Variants in TENM1 observed in about 807,000 individuals in gnomAD.
TENM1 encodes the protein teneurin-1.
TENM1 carries 35 observed loss-of-function variants against 174.8 expected under a neutral mutation model. The observed-to-expected ratio is 0.20, with a 90% confidence interval of 0.15 to 0.27. TENM1 has a LOEUF of 0.27. Among genes scored for constraint, TENM1 ranks in the 10% least tolerant of loss-of-function variants. TENM1 has a pLI of 1.00. For synonymous variants in TENM1, 781 were observed against 798.7 expected (o/e 0.98, Z 0.37); for missense variants, 1,633 against 2,130.1 (o/e 0.77, Z 4.59).
intron 3 of TENM1, among the ~76,000 whole-genome samples, chrX:124,753,812 A>C (rs1271551409): frequency 8.9e-6 from 1 of 111,820 alleles, no homozygotes. Context: ...CGTCTATCGA[A>C]CCAGCCTTGC....
At chrX:124,998,735 A>G in the TENM1 span, among the ~76,000 whole-genome samples, 2 of 111,660 alleles carry the variant, frequency 1.8e-5, no homozygotes, top group East Asian at 2.8e-4. Context: ...TAAGACTTGG[A>G]TGTATACTTC....
At chrX:124,831,231 T>C (rs1327229121) in intron 3 of TENM1, among the ~76,000 whole-genome samples, 3 of 111,032 alleles carry the variant, frequency 2.7e-5, no homozygotes, top group Non-Finnish European at 5.7e-5. Flanking sequence ...TTCCTAGGCA[T>C]CCTCTCTCTC....
At chrX:124,602,363 C>G (rs1426188152) in intron 11 of TENM1, among the ~76,000 whole-genome samples, 2 of 110,878 alleles carry the variant, frequency 1.8e-5, no homozygotes, top group East Asian at 5.7e-4. Context: ...ACTGATGGGT[C>G]TGTTGAAAAA....
chrX:124,433,324 T>C (rs904350651), intron 23 of TENM1, among the ~76,000 whole-genome samples: 1 of 112,022 alleles, frequency 8.9e-6, no homozygotes, highest in South Asian at 3.8e-4. Flanking sequence ...AAATTAAGTC[T>C]GAAAGAGACT....
rs755668633 is a variant in TENM1 at position 124,405,412 on chromosome X, C to G, written c.5156-146G>C. The stretch of plus-strand genomic sequence containing the variant: ...CTATCTGCCTTCTGGGCTAGACTAC[C>G]GCTCTGACAGGCAAACGTGTTCCCT... On this transcript the variant is annotated intron_variant, in intron 26 of 31. Coordinates refer to ENST00000422452, the Ensembl canonical transcript of TENM1. 6.6e-6 allele frequency: 3 copies of G among 456,313 alleles called. No individual in the cohort carries two copies. The African/African-American group carries it at 7.3e-5, about 11-fold the overall frequency. 37.6% of individuals were successfully genotyped at this position (456,313 alleles called of 1,213,427 possible).
chrX:124,584,648 T>G (rs1396379828), intron 11 of TENM1, among the ~76,000 whole-genome samples: 2 of 110,930 alleles, frequency 1.8e-5, no homozygotes, highest in Admixed American at 9.6e-5. Flanking sequence ...AATAACCAGC[T>G]AACATCATAA....
intron 25 of TENM1, among the ~76,000 whole-genome samples, chrX:124,416,529 A>G (rs1169643884): frequency 1.8e-5 from 2 of 111,939 alleles, no homozygotes; most frequent in African/African-American, 6.5e-5. Flanking sequence ...TTTCTCAGCT[A>G]TTATAAATAA....
chrX:124,767,370 AG>A (rs2054558787), intron 3 of TENM1, among the ~76,000 whole-genome samples: 2 of 111,451 alleles, frequency 1.8e-5, no homozygotes, highest in Admixed American at 1.9e-4. Context: ...CTTGAAGGTG[AG>A]GTCTATTTAT....
At chrX:124,717,053 T>C (rs952510978) in intron 4 of TENM1, among the ~76,000 whole-genome samples, 1 of 110,408 alleles carries the variant, frequency 9.1e-6, no homozygotes, top group Non-Finnish European at 1.9e-5. Flanking sequence ...ACTCCTGCTC[T>C]GAAACTTGCC....
At chrX:125,093,328 C>A in the TENM1 span, among the ~76,000 whole-genome samples, 1 of 111,474 alleles carries the variant, frequency 9.0e-6, no homozygotes, top group Non-Finnish European at 1.9e-5. Flanking sequence ...GAGTCACTTC[C>A]TCTAAGTCCC....
chrX:125,054,367 T>C, the TENM1 span, among the ~76,000 whole-genome samples: 1 of 110,473 alleles, frequency 9.1e-6, no homozygotes, highest in African/African-American at 3.3e-5. Context: ...CTAATTAAAC[T>C]TCTTTTCTTT....
intron 3 of TENM1, among the ~76,000 whole-genome samples, chrX:124,752,137 A>C (rs937036111): frequency 5.4e-5 from 6 of 111,246 alleles, no homozygotes; most frequent in African/African-American, 2.0e-4. Context: ...ATTTCTCCAC[A>C]TCCTCTCCAA....
chrX:125,034,492 G>A, the TENM1 span, among the ~76,000 whole-genome samples: 3 of 111,188 alleles, frequency 2.7e-5, no homozygotes, highest in Non-Finnish European at 5.7e-5. Flanking sequence ...CAGCAAACTC[G>A]CAAACTAACA....
chrX:125,156,845 A>G, the TENM1 span, among the ~76,000 whole-genome samples: 1 of 112,436 alleles, frequency 8.9e-6, no homozygotes, highest in East Asian at 2.8e-4. Context: ...ACTGCTTTCC[A>G]CAAAAATGTT....
intron 3 of TENM1, among the ~76,000 whole-genome samples, chrX:124,844,130 CGTTA>C: frequency 9.0e-6 from 1 of 111,262 alleles, no homozygotes; most frequent in Middle Eastern, 4.6e-3. Flanking sequence ...TGTGTGGAAT[CGTTA>C]GTTAGATACA....
At chrX:124,961,086 T>A (rs1285075691) in intron 1 of TENM1, among the ~76,000 whole-genome samples, 1 of 112,212 alleles carries the variant, frequency 8.9e-6, no homozygotes, top group Non-Finnish European at 1.9e-5. Context: ...AATTTAAGGT[T>A]GTTTTTAAAA....
At chrX:125,168,654 C>T in the TENM1 span, among the ~76,000 whole-genome samples, 1 of 110,654 alleles carries the variant, frequency 9.0e-6, no homozygotes, top group Non-Finnish European at 1.9e-5. Context: ...AAGTCACTCC[C>T]AAAATTAGAG....
At chrX:125,155,740 G>A in the TENM1 span, among the ~76,000 whole-genome samples, 6 of 112,839 alleles carry the variant, frequency 5.3e-5, no homozygotes, top group Non-Finnish European at 1.1e-4. Context: ...TTCATTGCCC[G>A]GCCGGCCACT....
At chrX:124,563,882 G>A (rs1295612920) in intron 12 of TENM1, 110 bp from the exon 16 acceptor site, 24 of 651,624 alleles carry the variant, frequency 3.7e-5, no homozygotes, top group African/African-American at 1.1e-4. Context: ...AGCAAACTGC[G>A]CACTGCTGAA....
Sources: allele counts gnomAD v4.1 joint callset (sites outside exome capture counted in the v4.1 genomes callset), GRCh38; gene constraint gnomAD v4.1.1; transcripts MANE v1.5; gene names NCBI Gene and HGNC (gene_info 2026-07-23, HGNC 2026-07-21).